LY9: variants seen among roughly 807,000 people sequenced by gnomAD.
LY9 encodes the protein T-lymphocyte surface antigen Ly-9.
Under a neutral mutation model 64.6 loss-of-function variants are expected in LY9, and 59 were observed. The ratio of observed to expected loss-of-function variants is 0.91; its 90% confidence interval spans 0.74 to 1.13. LY9 has a LOEUF of 1.13. LY9 is among the 50% of genes most tolerant of loss of function. The pLI is 0.00. For synonymous variants in LY9, 281 were observed against 308.5 expected (o/e 0.91, Z 0.93); for missense variants, 789 against 797.2 (o/e 0.99, Z 0.12).
At chr1:160,803,275 C>T (rs891981215) in intron 2 of LY9, among the ~76,000 whole-genome samples, 2 of 146,994 alleles carry the variant, frequency 1.4e-5, no homozygotes, top group Admixed American at 1.4e-4. Flanking sequence ...AAGTGAAAAC[C>T]GTGTCTAAAA....
At chr1:160,823,028 C>T (rs1333745234) in intron 7 of LY9, among the ~76,000 whole-genome samples, 3 of 152,168 alleles carry the variant, frequency 2.0e-5, no homozygotes, top group African/African-American at 7.2e-5. Context: ...AGAGTCATCT[C>T]CTCTCAACTC....
chr1:160,809,112 T>C (rs1468473686), intron 2 of LY9, among the ~76,000 whole-genome samples: 1 of 152,126 alleles, frequency 6.6e-6, no homozygotes, highest in African/African-American at 2.4e-5. Context: ...TTCACGCTTA[T>C]GTGACTAGGT....
At chr1:160,801,362 T>C (rs1237397990) in intron 2 of LY9, among the ~76,000 whole-genome samples, 1 of 152,238 alleles carries the variant, frequency 6.6e-6, no homozygotes, top group East Asian at 1.9e-4. Context: ...ATGTCTTCTT[T>C]TGAGAAATGT....
intron 2 of LY9, chr1:160,811,656 C>A (rs939815389): frequency 1.3e-5 from 2 of 152,214 alleles, no homozygotes; most frequent in African/African-American, 4.8e-5. Context: ...GAGTTCTTTG[C>A]CACTTTACAA....
chr1:160,815,024 G>C (rs528297643), intron 4 of LY9: 1 of 506,008 alleles, frequency 2.0e-6, no homozygotes, highest in Non-Finnish European at 3.6e-6. Context: ...TGCTTGCCCC[G>C]GTCCTTCTGC....
intron 1 of LY9, chr1:160,797,171 G>A (rs1665969119): frequency 2.0e-6 from 2 of 985,408 alleles, no homozygotes; most frequent in Non-Finnish European, 2.4e-6. Context: ...CCAGCAGATA[G>A]AGCCAATCCA....
At position 160,814,405 on chromosome 1, in the gene LY9, C is replaced by T; in HGVS notation, c.731-15C>T. On this transcript the variant is annotated splice_polypyrimidine_tract_variant and intron_variant, in intron 3 of 9. Coordinates refer to ENST00000263285, the MANE Select transcript of LY9 (RefSeq NM_002348.4). The stretch of plus-strand genomic sequence containing the variant: ...GACAGTGACTGAAGCTGCAATGTCT[C>T]ATCTGTGACCCCAGATCCAGGAGCC... 6.3e-7 allele frequency: 1 copy of T among 1,581,352 alleles called. No individual in the cohort carries two copies. Among genetic ancestry groups the T allele is most frequent in the Non-Finnish European group, 8.6e-7 (1 of 1,158,534 alleles).
chr1:160,806,570 C>T (rs923715947), intron 2 of LY9, among the ~76,000 whole-genome samples: 3 of 152,190 alleles, frequency 2.0e-5, no homozygotes, highest in Non-Finnish European at 2.9e-5. Context: ...TTTCTTCTGG[C>T]CTGCAAAGTT....
At chr1:160,799,117 C>G (rs1666191292) in intron 1 of LY9, 1 of 152,508 alleles carries the variant, frequency 6.6e-6, no homozygotes, top group Admixed American at 6.5e-5. Context: ...CAAAGTCAAT[C>G]TGAGATGCCA....
At position 160,824,187 on chromosome 1, in the gene LY9, AC is replaced by A; in HGVS notation, c.1841del (p.Pro614GlnfsTer128). 6.2e-7 allele frequency: 1 copy of A among 1,613,992 alleles called. No individual in the cohort carries two copies. The highest frequency in any genetic ancestry group is 8.5e-7 in the Non-Finnish European group (1 of 1,179,980). ...TGCTGTTGGTGTGTTACAGGGAAAG[AC>A]CCCAGTTTCTCAGAAGGAAGAGAGC... Reference protein sequence around the residue: ...YAQVFNLQGKTPVSQKEESSA... With the variant: ...YAQVFNLQGKXPVSQKEESSA... On this transcript the variant is annotated frameshift_variant, in exon 9 of 10. Transcript: ENST00000263285. LOFTEE classifies it high-confidence loss of function.
In LY9 at chr1:160,823,701, G is replaced by C. The variant is rs1249915968; in HGVS notation, c.1735G>C (p.Gly579Arg). The change falls in exon 8 of 10, where the codon GGC (glycine) becomes CGC (arginine). Residue 579 changes from glycine (G) to arginine (R), a missense_variant. Physicochemically the swap from Gly to Arg is moderately radical, Grantham distance 125. Transcript: ENST00000263285. ...CGCTGGACATGACCCAGCCCCTGAG[G>C]GCCAAGCAGACTATGATCCCGTCAC... ...EGAGHDPAPEGQADYDPVTPY... is the reference protein window; with the variant it reads ...EGAGHDPAPERQADYDPVTPY... 8.7e-6 allele frequency: 14 copies of C among 1,614,138 alleles called. No individual in the cohort carries two copies. Among genetic ancestry groups the C allele is most frequent in the Non-Finnish European group, 1.2e-5 (14 of 1,180,016 alleles).
At chr1:160,801,502 C>T (rs1036458888) in intron 2 of LY9, among the ~76,000 whole-genome samples, 10 of 152,156 alleles carry the variant, frequency 6.6e-5, no homozygotes, top group Non-Finnish European at 1.2e-4. Context: ...CCATTCAACT[C>T]GTTGTCTCTT....
chr1:160,815,797 C>T (rs1045926104), intron 4 of LY9, among the ~76,000 whole-genome samples: 4 of 152,210 alleles, frequency 2.6e-5, no homozygotes, highest in Non-Finnish European at 5.9e-5. Flanking sequence ...ACTGTGGCCT[C>T]CAAGAAGGTG....
intron 9 of LY9, among the ~76,000 whole-genome samples, chr1:160,826,218 G>T (rs1053373365): frequency 6.6e-6 from 1 of 152,202 alleles, no homozygotes; most frequent in African/African-American, 2.4e-5. Flanking sequence ...TTGGATCATT[G>T]TAAAGGTCTT....
intron 9 of LY9, chr1:160,824,678 C>T: frequency 1.0e-6 from 1 of 981,542 alleles, no homozygotes; most frequent in Non-Finnish European, 1.2e-6. Context: ...TAGTTTTATT[C>T]TAGTGTTTAA....
At chr1:160,826,135 G>C (rs1162114660) in intron 9 of LY9, among the ~76,000 whole-genome samples, 3 of 152,106 alleles carry the variant, frequency 2.0e-5, no homozygotes, top group Non-Finnish European at 2.9e-5. Flanking sequence ...TTACAATAAA[G>C]TAAGCTAGAG....
At chr1:160,823,911 G>A in intron 8 of LY9, 115 bp downstream of exon 8, 1 of 874,396 alleles carries the variant, frequency 1.1e-6, no homozygotes, top group Non-Finnish European at 1.8e-6. Flanking sequence ...AGGACTAGGG[G>A]CATACGGGCA....
intron 1 of LY9, chr1:160,797,295 A>T: frequency 1.0e-6 from 1 of 985,434 alleles, no homozygotes; most frequent in Non-Finnish European, 1.2e-6. Context: ...GAGATCTGAG[A>T]GCAGTGGGGG....
At chr1:160,802,997 T>G (rs1666647067) in intron 2 of LY9, among the ~76,000 whole-genome samples, 1 of 152,072 alleles carries the variant, frequency 6.6e-6, no homozygotes. Flanking sequence ...GATTTTTTTT[T>G]CTGGCCAGGC....
Sources: gnomAD v4.1 joint callset for allele counts (sites outside exome capture counted in the v4.1 genomes callset) on GRCh38, gnomAD v4.1.1 for gene constraint, MANE v1.5 for transcripts, NCBI Gene and HGNC (gene_info 2026-07-23, HGNC 2026-07-21) for gene names.